TRDN: variants seen among roughly 807,000 people sequenced by gnomAD.
The protein encoded by TRDN is triadin in skeletal muscle.
TRDN carries 161 observed loss-of-function variants against 149.7 expected under a neutral mutation model. The observed-to-expected ratio is 1.08, with a 90% CI of 0.95 to 1.23. TRDN has a LOEUF of 1.23. Among genes scored for constraint, TRDN ranks in the 50% most tolerant of loss-of-function variants. The pLI is 0.00. For synonymous variants in TRDN, 294 were observed against 250.5 expected (o/e 1.17, Z -1.64); for missense variants, 896 against 823.5 (o/e 1.09, Z -1.08).
chr6:123,300,839 C>G (rs1778370866), intron 24 of TRDN, among the ~76,000 whole-genome samples: 1 of 151,846 alleles, frequency 6.6e-6, no homozygotes, highest in Non-Finnish European at 1.5e-5. Context: ...TAGTTTGTGT[C>G]CAGAACCATT....
At chr6:123,289,094 A>T (rs1234590368) in intron 24 of TRDN, among the ~76,000 whole-genome samples, 2 of 146,826 alleles carry the variant, frequency 1.4e-5, no homozygotes, top group Non-Finnish European at 3.0e-5. Flanking sequence ...ATATATATAC[A>T]CTATATATAG....
At chr6:123,337,585 A>C (rs1481059768) in intron 22 of TRDN, 34 bp downstream of exon 22, 1 of 1,082,362 alleles carries the variant, frequency 9.2e-7, no homozygotes, top group Admixed American at 3.1e-5. Flanking sequence ...TTTCCTAATA[A>C]ATTTGTAATA....
chr6:123,513,446 T>C (rs1215025418), intron 6 of TRDN, among the ~76,000 whole-genome samples: 2 of 152,154 alleles, frequency 1.3e-5, no homozygotes, highest in African/African-American at 4.8e-5. Context: ...AACTTTTTTT[T>C]TAACAGAAAA....
chr6:123,418,506 A>C (rs1773750544), intron 12 of TRDN: 1 of 152,096 alleles, frequency 6.6e-6, no homozygotes, highest in South Asian at 2.1e-4. Flanking sequence ...ACATACTTTC[A>C]TCCCAAACAC....
chr6:123,456,583 C>A (rs1447417728), intron 10 of TRDN, among the ~76,000 whole-genome samples: 1 of 152,024 alleles, frequency 6.6e-6, no homozygotes, highest in Admixed American at 6.6e-5. Context: ...ATCCTCCCAC[C>A]TCATCTTCCT....
At chr6:123,335,736 A>G (rs1779836916) in intron 22 of TRDN, among the ~76,000 whole-genome samples, 1 of 152,024 alleles carries the variant, frequency 6.6e-6, no homozygotes, top group African/African-American at 2.4e-5. Flanking sequence ...CATAGTGAAC[A>G]ATAACATGTG....
chr6:123,522,679 T>C (rs1412941576), intron 5 of TRDN, among the ~76,000 whole-genome samples: 1 of 152,128 alleles, frequency 6.6e-6, no homozygotes, highest in African/African-American at 2.4e-5. Context: ...GACATTTGAC[T>C]TAAATTACAG....
chr6:123,267,559 T>A (rs1777056016), intron 32 of TRDN, 148 bp downstream of exon 32: 2 of 477,278 alleles, frequency 4.2e-6, no homozygotes, highest in Non-Finnish European at 7.3e-6. Flanking sequence ...TGCCCTTAGG[T>A]CAGATAAACT....
intron 10 of TRDN, chr6:123,464,465 A>T: frequency 1.0e-6 from 1 of 975,346 alleles, no homozygotes; most frequent in Non-Finnish European, 1.2e-6. Flanking sequence ...CATCTTAGAG[A>T]TGGCAAAACT....
intron 2 of TRDN, among the ~76,000 whole-genome samples, chr6:123,568,259 G>C (rs531999114): frequency 1.3e-5 from 2 of 152,296 alleles, no homozygotes; most frequent in South Asian, 2.1e-4. Flanking sequence ...GGTTTTGCAG[G>C]GTTCAGCCCT....
At chr6:123,459,844 T>C (rs778543357) in intron 10 of TRDN, among the ~76,000 whole-genome samples, 20 of 152,186 alleles carry the variant, frequency 1.3e-4, no homozygotes, top group Non-Finnish European at 2.4e-4. Context: ...ACACCTGGCT[T>C]TCAATTCCAG....
intron 24 of TRDN, among the ~76,000 whole-genome samples, chr6:123,306,164 G>A (rs547432165): frequency 6.6e-6 from 1 of 152,126 alleles, no homozygotes; most frequent in Non-Finnish European, 1.5e-5. Context: ...GATGATTGCT[G>A]ATGTCTGCCC....
chr6:123,585,669 T>C (rs1476328996), intron 1 of TRDN, among the ~76,000 whole-genome samples: 7 of 152,254 alleles, frequency 4.6e-5, no homozygotes, highest in South Asian at 2.1e-4. Context: ...CCAGTGGGGT[T>C]CCGTACAGAT....
At chr6:123,492,315 C>A (rs2114799713) in intron 9 of TRDN, among the ~76,000 whole-genome samples, 1 of 152,160 alleles carries the variant, frequency 6.6e-6, no homozygotes, top group Admixed American at 6.5e-5. Context: ...ATAATAGTTA[C>A]AGAGATGAAA....
intron 7 of TRDN, among the ~76,000 whole-genome samples, chr6:123,511,067 C>A (rs1779161640): frequency 6.6e-6 from 1 of 152,128 alleles, no homozygotes; most frequent in South Asian, 2.1e-4. Context: ...TACCAATGTC[C>A]TAAAGTGTTT....
intron 24 of TRDN, among the ~76,000 whole-genome samples, chr6:123,292,662 T>G: frequency 6.6e-6 from 1 of 152,174 alleles, no homozygotes; most frequent in East Asian, 1.9e-4. Context: ...TCAGGTGTCA[T>G]TGAGTACCCC....
chr6:123,560,220 C>CT (rs1781910258), intron 2 of TRDN, among the ~76,000 whole-genome samples: 1 of 152,188 alleles, frequency 6.6e-6, no homozygotes. Flanking sequence ...AATCTATTTT[C>CT]TTTCTCACAC....
At chr6:123,410,120 G>A (rs1773369985) in intron 12 of TRDN, among the ~76,000 whole-genome samples, 1 of 152,218 alleles carries the variant, frequency 6.6e-6, no homozygotes, top group African/African-American at 2.4e-5. Context: ...TAAGTGGAGA[G>A]TGAAATAATC....
chr6:123,501,985 ACAT>A (rs1162313889), intron 8 of TRDN: 1 of 985,064 alleles, frequency 1.0e-6, no homozygotes, highest in Non-Finnish European at 1.2e-6. Flanking sequence ...TGAAAAATTA[ACAT>A]CAAAAAATAC....
Sources: gnomAD v4.1 joint callset for allele counts (sites outside exome capture counted in the v4.1 genomes callset) on GRCh38, gnomAD v4.1.1 for gene constraint, MANE v1.5 for transcripts, NCBI Gene and HGNC (gene_info 2026-07-23, HGNC 2026-07-21) for gene names.